NOX3: variants seen among roughly 807,000 people sequenced by gnomAD.
NOX3 encodes NADPH oxidase catalytic subunit-like 3.
In NOX3, 74 loss-of-function variants were observed where a neutral mutation model predicts 76.7. The ratio of observed to expected loss-of-function variants is 0.96; its 90% CI spans 0.80 to 1.17. NOX3 has a LOEUF of 1.17. NOX3 is among the 50% of genes most tolerant of loss of function. The pLI, the probability that NOX3 is intolerant of heterozygous loss-of-function variation, is 0.00. For synonymous variants in NOX3, 263 were observed against 261.1 expected (o/e 1.01, Z -0.07); for missense variants, 695 against 703.3 (o/e 0.99, Z 0.13).
At chr6:155,422,663 A>G in intron 10 of NOX3, 31 bp downstream of exon 10, 1 of 1,608,644 alleles carries the variant, frequency 6.2e-7, no homozygotes, top group Non-Finnish European at 8.5e-7. Context: ...CTTTTAATCC[A>G]TGGAAGGGTG....
chr6:155,404,128 T>TATA (rs200744490), intron 12 of NOX3, among the ~76,000 whole-genome samples: 6 of 91,558 alleles, frequency 6.6e-5, no homozygotes, highest in Non-Finnish European at 1.1e-4. Flanking sequence ...TATATATATA[T>TATA]TTTTTTTTTC....
intron 12 of NOX3, among the ~76,000 whole-genome samples, chr6:155,403,460 TA>T (rs1779260777): frequency 6.6e-6 from 1 of 152,150 alleles, no homozygotes; most frequent in Non-Finnish European, 1.5e-5. Context: ...AATATGATAT[TA>T]AAAAATTTGG....
Position 155,428,913 on chromosome 6 carries a change from A to G in NOX3, c.1026T>C (p.Ser342=). ...SLEWHPFTLT[S]APQEDFFSVH... ...CGCTGAAAAAGTCCTCCTGGGGGGC[A>G]GAGGTAAGGGTGAAGGGGTGCCACT... is the stretch of plus-strand genomic sequence containing the variant. The change falls in exon 9 of 14, where the codon TCT becomes TCC. Residue 342 remains serine, a synonymous_variant. Coordinates refer to ENST00000159060, the MANE Select transcript of NOX3 (RefSeq NM_015718.3). The G allele has an allele frequency of 6.2e-7, 1 of 1,613,892 alleles. No homozygotes were observed. The highest frequency in any genetic ancestry group is 8.5e-7 in the Non-Finnish European group (1 of 1,179,912).
chr6:155,419,258 G>C (rs962189229), intron 10 of NOX3, among the ~76,000 whole-genome samples: 1 of 152,198 alleles, frequency 6.6e-6, no homozygotes, highest in Non-Finnish European at 1.5e-5. Context: ...GCCTGCAGAC[G>C]CTTAAGGAAT....
chr6:155,413,057 T>G (rs1358236033), intron 10 of NOX3, among the ~76,000 whole-genome samples: 1 of 152,214 alleles, frequency 6.6e-6, no homozygotes, highest in African/African-American at 2.4e-5. Flanking sequence ...ACTTTTATAA[T>G]TCCAGGGAGT....
intron 6 of NOX3, among the ~76,000 whole-genome samples, chr6:155,439,251 C>T (rs7763215): frequency 0.047 from 7,158 of 152,256 alleles, 577 homozygotes; most frequent in African/African-American, 0.16. Context: ...AGCTAGTTCA[C>T]AGACAGCAAT....
chr6:155,450,015 C>G (rs1276163863), intron 4 of NOX3, among the ~76,000 whole-genome samples: 1 of 152,168 alleles, frequency 6.6e-6, no homozygotes, highest in East Asian at 1.9e-4. Context: ...ATTGCTTTGT[C>G]AGGGTTTGGG....
intron 7 of NOX3, among the ~76,000 whole-genome samples, chr6:155,435,181 G>A (rs1582941760): frequency 6.6e-6 from 1 of 152,254 alleles, no homozygotes; most frequent in Admixed American, 6.5e-5. Flanking sequence ...GTGGAGCAGG[G>A]GAGAGTTAGA....
At chr6:155,443,500 T>A in intron 4 of NOX3, 82 bp from the exon 5 acceptor site, 1 of 1,478,236 alleles carries the variant, frequency 6.8e-7, no homozygotes, top group South Asian at 1.3e-5. Context: ...GTCTCTGTGC[T>A]CAAGTTTCTC....
At chr6:155,427,400 C>T (rs1172526872) in intron 9 of NOX3, among the ~76,000 whole-genome samples, 2 of 152,156 alleles carry the variant, frequency 1.3e-5, no homozygotes, top group African/African-American at 4.8e-5. Flanking sequence ...TGTTTGTCAC[C>T]AATAAATATT....
chr6:155,436,375 T>G (rs1339071229), intron 7 of NOX3, 43 bp downstream of exon 7: 2 of 1,610,978 alleles, frequency 1.2e-6, no homozygotes, highest in Non-Finnish European at 1.7e-6. Flanking sequence ...GTATTTTAAC[T>G]GTGGTGACAT....
At chr6:155,401,805 AAAT>A (rs1377738714) in intron 12 of NOX3, among the ~76,000 whole-genome samples, 1 of 152,014 alleles carries the variant, frequency 6.6e-6, no homozygotes, top group African/African-American at 2.4e-5. Context: ...AAAAAAAAAA[AAAT>A]GACCAAACTT....
Position 155,425,525 on chromosome 6 carries a change from C to T in NOX3, c.1146-2669G>A, listed in dbSNP as rs1036753565. On this transcript the variant is annotated intron_variant, in intron 9 of 13. Transcript: ENST00000159060. ...GAACTGACTGCATTTACTCCTCTAA[C>T]AAACACTTCCATTGCTATTTCTGTG... 3.9e-5 allele frequency among the ~76,000 whole-genome samples: 6 copies of T among 152,306 alleles called. No individual in the cohort carries two copies. In the South Asian group the frequency reaches 6.2e-4, roughly 16 times the overall value.
intron 7 of NOX3, among the ~76,000 whole-genome samples, chr6:155,433,283 C>T (rs1776858008): frequency 1.3e-5 from 2 of 152,144 alleles, no homozygotes; most frequent in Admixed American, 6.5e-5. Context: ...GCCTGGAGCC[C>T]CTGGAAGTCA....
At chr6:155,420,947 A>T (rs1263146124) in intron 10 of NOX3, among the ~76,000 whole-genome samples, 1 of 151,838 alleles carries the variant, frequency 6.6e-6, no homozygotes, top group African/African-American at 2.4e-5. Context: ...TAGCATTAAA[A>T]CTCCCTGTTG....
intron 6 of NOX3, among the ~76,000 whole-genome samples, chr6:155,439,410 G>C (rs1582943896): frequency 1.3e-5 from 2 of 152,078 alleles, no homozygotes; most frequent in African/African-American, 2.4e-5. Flanking sequence ...GTGTTTTACG[G>C]GATGTCTGAG....
intron 4 of NOX3, among the ~76,000 whole-genome samples, chr6:155,447,412 A>G (rs1283316147): frequency 6.6e-6 from 1 of 152,208 alleles, no homozygotes; most frequent in African/African-American, 2.4e-5. Context: ...TGATTTCCAC[A>G]TGAGAATTTG....
intron 4 of NOX3, among the ~76,000 whole-genome samples, chr6:155,447,462 C>A (rs1777079017): frequency 6.6e-6 from 1 of 152,164 alleles, no homozygotes; most frequent in Non-Finnish European, 1.5e-5. Flanking sequence ...ATTGAATGAA[C>A]AAAGATATTA....
At position 155,416,744 on chromosome 6, in the gene NOX3, C is replaced by CTTTTT. The variant is rs534711414; in HGVS notation, c.1309-5389_1309-5385dup. ...GGACAACTGAAACATCTGAAACATT[C>CTTTTT]TTTTTTTTTTTTTTTTTTTTTTTTG... On this transcript the variant is annotated intron_variant, in intron 10 of 13. Coordinates refer to ENST00000159060, the MANE Select transcript of NOX3 (RefSeq NM_015718.3). 3.5e-3 allele frequency among the ~76,000 whole-genome samples: 324 copies of CTTTTT among 92,516 alleles called. 11 individuals are homozygous for CTTTTT. Among genetic ancestry groups the CTTTTT allele is most frequent in the East Asian group, 8.2e-3 (25 of 3,064 alleles). The allele number at this position is 92,516 out of a possible 152,430, so 60.7% of individuals were successfully genotyped here.
Sources: allele counts gnomAD v4.1 joint callset (sites outside exome capture counted in the v4.1 genomes callset), GRCh38; gene constraint gnomAD v4.1.1; transcripts MANE v1.5; gene names NCBI Gene and HGNC (gene_info 2026-07-23, HGNC 2026-07-21).